Variants in SMAD5 observed in about 807,000 individuals in gnomAD.
The protein encoded by SMAD5 is MAD, mothers against decapentaplegic homolog 5.
Under a neutral mutation model 43.1 loss-of-function variants are expected in SMAD5, and 9 were observed. The observed-to-expected ratio is 0.21, with a 90% CI of 0.13 to 0.36. The LOEUF is 0.36. Ranked by LOEUF, SMAD5 falls within the 10% of genes least tolerant of loss-of-function variation. The pLI is 1.00. For synonymous variants in SMAD5, 190 were observed against 192.4 expected (o/e 0.99, Z 0.10); for missense variants, 348 against 574.0 (o/e 0.61, Z 4.02).
At chr5:136,172,063 G>T (rs1754240215) in intron 5 of SMAD5, among the ~76,000 whole-genome samples, 1 of 152,172 alleles carries the variant, frequency 6.6e-6, no homozygotes, top group African/African-American at 2.4e-5. Flanking sequence ...CTGTCTGCAA[G>T]CCAGGAAGCA....
intron 3 of SMAD5, among the ~76,000 whole-genome samples, chr5:136,158,472 C>T (rs62385762): frequency 0.019 from 2,876 of 152,138 alleles, 57 homozygotes; most frequent in Middle Eastern, 0.085. Context: ...GAAAATTCAA[C>T]TTTTTACTTT....
rs375904750 is a variant in SMAD5, at chr5:136,153,765, C to T, written c.5C>T (p.Thr2Met). Residue 2 changes from threonine (T) to methionine (M), a missense_variant, in exon 3 of 8, where the codon ACG (threonine) becomes ATG (methionine). Physicochemically the swap from Thr to Met is moderately conservative, Grantham distance 81. This residue lies in a region of SMAD5 where 39 missense variants were observed against 78.5 expected (regional missense o/e 0.50). Coordinates refer to ENST00000545279, the MANE Select transcript of SMAD5 (RefSeq NM_005903.7). ...GTCTCCGAAGATTTGTGTCAAATGACGTCAATGGCCAGCTTGTTTTCTTTT... is the reference window on the plus strand; with the variant it reads ...GTCTCCGAAGATTTGTGTCAAATGATGTCAATGGCCAGCTTGTTTTCTTTT... The part of the protein sequence containing the change: M[T>M]SMASLFSFTS... 20 of 1,603,996 alleles carry T rather than the reference C, an allele frequency of 1.2e-5. No individual in the cohort carries two copies. Among genetic ancestry groups the T allele is most frequent in the East Asian group, 2.2e-5 (1 of 44,640 alleles).
intron 3 of SMAD5, among the ~76,000 whole-genome samples, chr5:136,156,797 A>G (rs1753652759): frequency 1.3e-5 from 2 of 152,222 alleles, no homozygotes; most frequent in African/African-American, 2.4e-5. Context: ...TTCATTCTAT[A>G]GAAAAGACTG....
rs971367166 is a variant in SMAD5 at position 136,177,736 on chromosome 5, T to G, written c.*256T>G. 4 of 359,236 alleles carry G rather than the reference T, an allele frequency of 1.1e-5. No individual in the cohort carries two copies. The highest frequency in any genetic ancestry group is 2.0e-5 in the Non-Finnish European group (4 of 200,872). The allele number at this position is 359,236 out of a possible 1,614,324, so 22.3% of individuals were successfully genotyped here. ...CCCCAGTTCAGAAATTTGGCATTGATCTTAAACTGGAACATGCTTTTACTT... is the reference window on the plus strand; with the variant it reads ...CCCCAGTTCAGAAATTTGGCATTGAGCTTAAACTGGAACATGCTTTTACTT... On this transcript the variant is annotated 3_prime_UTR_variant, in exon 8 of 8. Transcript: ENST00000545279.
At chr5:136,159,203 A>T (rs1176548524) in intron 3 of SMAD5, among the ~76,000 whole-genome samples, 1 of 152,160 alleles carries the variant, frequency 6.6e-6, no homozygotes, top group Non-Finnish European at 1.5e-5. Context: ...TATTTTGGGG[A>T]TGGGAGTGGG....
chr5:136,143,999 C>G (rs1371855236), intron 1 of SMAD5, among the ~76,000 whole-genome samples: 3 of 152,014 alleles, frequency 2.0e-5, no homozygotes, highest in Non-Finnish European at 4.4e-5. Flanking sequence ...ACTCTAAATA[C>G]CTCATAAACC....
chr5:136,134,047 G>A lies in SMAD5; in HGVS notation c.-245+1085G>A, dbSNP rs1233151838. The A allele has an allele frequency of 2.9e-5, 3 of 104,716 alleles. 1 individual carries two copies. The East Asian group carries it at 1.0e-3, about 36-fold the overall frequency. The allele number at this position is 104,716 out of a possible 1,614,324, so 6.5% of individuals were successfully genotyped here. On this transcript the variant is annotated intron_variant, in intron 1 of 7. Transcript: ENST00000545279. ...GACCAGCTGGAGCTTTGGGGGGGGG[G>A]GGGGGGTGTTGCGGGGGGAGGGAGC...
At position 136,164,161 on chromosome 5, in the gene SMAD5, A is replaced by C. The variant is rs987735171; in HGVS notation, c.775+770A>C. Among the ~76,000 whole-genome samples the C allele has an allele frequency of 8.5e-5, 13 of 152,162 alleles. 1 individual carries two copies. Among genetic ancestry groups the C allele is most frequent in the African/African-American group, 3.1e-4 (13 of 41,430 alleles). On this transcript the variant is annotated intron_variant, in intron 5 of 7. Transcript: ENST00000545279. ...TGAGCTGAGAGTGGAGTGCCACTGC[A>C]CTCCAGTCTGAGCAACAGAGCGAGG...
Position 136,177,308 on chromosome 5 carries a change from T to C in SMAD5, c.1255-29T>C, listed in dbSNP as rs756146974. On this transcript the variant is annotated intron_variant, in intron 7 of 7. Coordinates refer to ENST00000545279, the MANE Select transcript of SMAD5 (RefSeq NM_005903.7). ...GAGTGGTTGACAGTTTAAAGAGGGA[T>C]TTGTGATGATATCTGTTCATTTTCA... 3.1e-6 allele frequency: 5 copies of C among 1,611,180 alleles called. No homozygotes were observed. In the South Asian group the frequency reaches 5.5e-5, roughly 18 times the overall value.
chr5:136,166,048 A>G (rs1372457409), intron 5 of SMAD5, among the ~76,000 whole-genome samples: 1 of 152,086 alleles, frequency 6.6e-6, no homozygotes, highest in Non-Finnish European at 1.5e-5. Flanking sequence ...GCAACAGTGC[A>G]CACGGATTCC....
rs993589534 is a variant in SMAD5 at position 136,133,789 on chromosome 5, A to G, written c.-245+827A>G. The stretch of plus-strand genomic sequence containing the variant: ...TGGAGCCTAAGCTTTGAAAACTCCC[A>G]TGTGGCGCGCCCGTCTTAAGTCTGA... On this transcript the variant is annotated intron_variant, in intron 1 of 7. Transcript: ENST00000545279. 8.4e-5 allele frequency: 13 copies of G among 154,504 alleles called. No homozygotes were observed. In the East Asian group the frequency reaches 1.2e-3, roughly 14 times the overall value. 9.6% of individuals were successfully genotyped at this position (154,504 alleles called of 1,614,324 possible). A position where few individuals can be genotyped will look rare whatever the true frequency, so the allele number is the denominator to read the frequency against.
rs368077873 is a variant in SMAD5, at chr5:136,174,489, G to A, written c.1111G>A (p.Val371Ile). ...TCATCATGGCTTTCATCCCACCACTGTCTGTAAGATTCCCAGCAGCTGCAG... is the reference window on the plus strand; with the variant it reads ...TCATCATGGCTTTCATCCCACCACTATCTGTAAGATTCCCAGCAGCTGCAG... ...NFHHGFHPTTVCKIPSSCSLK... is the reference protein window; with the variant it reads ...NFHHGFHPTTICKIPSSCSLK... Residue 371 changes from valine to isoleucine, a missense_variant, in exon 7 of 8, where the codon GTC (valine) becomes ATC (isoleucine). Transcript: ENST00000545279. 1 of 1,613,912 alleles carries A rather than the reference G, an allele frequency of 6.2e-7. No individual in the cohort carries two copies. The highest frequency in any genetic ancestry group is 1.7e-5 in the Admixed American group (1 of 60,010).
At chr5:136,171,643 C>T (rs1754223488) in intron 5 of SMAD5, among the ~76,000 whole-genome samples, 1 of 152,108 alleles carries the variant, frequency 6.6e-6, no homozygotes, top group African/African-American at 2.4e-5. Flanking sequence ...CGTAACTTAC[C>T]TGGTTTCATA....
Position 136,163,391 on chromosome 5 carries a change from G to T in SMAD5, c.775G>T (p.Asp259Tyr), listed in dbSNP as rs367900811. 2 of 1,595,610 alleles carry T rather than the reference G, an allele frequency of 1.3e-6. No individual in the cohort carries two copies. The highest frequency in any genetic ancestry group is 1.3e-5 in the African/African-American group (1 of 74,118). The change falls in exon 5 of 8, where the codon GAT becomes TAT. Residue 259 changes from aspartate to tyrosine, a missense_variant and splice_region_variant. By Grantham distance (160) the Asp-to-Tyr change is radical. Around this residue, in one of 5 missense-constraint regions of SMAD5, gnomAD observed 185 missense variants for 207.0 expected, o/e 0.89. Transcript: ENST00000545279. ...GATTATGCCCAGTATATCCAGCAGG[G>T]GTAAGAGAAGTACTCACTTCATTTA... ...PQIMPSISSR[D>Y]VQPVAYEEPK... is the part of the protein sequence containing the mutation.
intron 1 of SMAD5, chr5:136,134,618 A>T (rs1295156417): frequency 6.6e-6 from 1 of 152,224 alleles, no homozygotes; most frequent in East Asian, 1.9e-4. Context: ...GTAACTATTA[A>T]TATTTTTTTC....
chr5:136,133,713 C>A (rs1409958293), intron 1 of SMAD5: 1 of 153,048 alleles, frequency 6.5e-6, no homozygotes, highest in African/African-American at 2.4e-5. Flanking sequence ...CAGTCTCTTC[C>A]CCTCCCCTTT....
chr5:136,154,596 A>G (rs987175673), intron 3 of SMAD5, among the ~76,000 whole-genome samples: 8 of 152,126 alleles, frequency 5.3e-5, no homozygotes, highest in African/African-American at 1.9e-4. Context: ...TACCCATCCT[A>G]AAATAAAACT....
intron 5 of SMAD5, among the ~76,000 whole-genome samples, chr5:136,166,700 C>T (rs1450169636): frequency 1.3e-5 from 2 of 152,076 alleles, no homozygotes; most frequent in African/African-American, 4.8e-5. Flanking sequence ...AACATTAGGC[C>T]GTACACAATA....
In SMAD5 at chr5:136,173,080, G is replaced by C. The variant is rs565619732; in HGVS notation, c.997+425G>C. 3.3e-5 allele frequency among the ~76,000 whole-genome samples: 5 copies of C among 152,294 alleles called. No individual in the cohort carries two copies. The East Asian group carries it at 9.6e-4, about 29-fold the overall frequency. ...AGGTATTTGTGGAGTATTTTGGGTT[G>C]AGATGACTTGTAAGTGTTACCATGA... On this transcript the variant is annotated intron_variant, in intron 6 of 7. Coordinates refer to ENST00000545279, the MANE Select transcript of SMAD5 (RefSeq NM_005903.7).
Sources: gnomAD v4.1 joint callset for allele counts (sites outside exome capture counted in the v4.1 genomes callset) on GRCh38, gnomAD v4.1.1 for gene constraint, gnomAD v4.1.1 regional missense constraint, MANE v1.5 for transcripts, NCBI Gene and HGNC (gene_info 2026-07-23, HGNC 2026-07-21) for gene names.